MAP3K19: variants seen among roughly 807,000 people sequenced by gnomAD.
The protein encoded by MAP3K19 is SPS1/STE20-related protein kinase YSK4.
Under a neutral mutation model 114.4 loss-of-function variants are expected in MAP3K19, and 91 were observed. The observed-to-expected ratio is 0.80, with a 90% confidence interval of 0.67 to 0.95. The LOEUF (loss-of-function observed/expected upper bound fraction) is 0.95. Among genes scored for constraint, MAP3K19 ranks in the 40% least tolerant of loss-of-function variants. The pLI is 0.00. For missense variants in MAP3K19, 1,471 were observed against 1,573.2 expected, an observed-to-expected ratio of 0.94 and a Z score of 1.10; for synonymous variants, 518 against 530.5, an observed-to-expected ratio of 0.98 and a Z score of 0.32.
intron 1 of MAP3K19, among the ~76,000 whole-genome samples, chr2:135,044,120 C>T (rs1688695032): frequency 6.6e-6 from 1 of 152,138 alleles, no homozygotes; most frequent in Non-Finnish European, 1.5e-5. Flanking sequence ...TTATTGAATG[C>T]TTGCTACGTG....
In MAP3K19 at chr2:135,024,703, A is replaced by T; in HGVS notation, c.-56T>A. On this transcript the variant is annotated 5_prime_UTR_variant, in exon 4 of 13. Transcript: ENST00000392915. Reference sequence around the variant, plus strand: ...ACTCTCTATTTGTGACACATAATGTATTGCTGATTTTCCACTAAAATCACA... The same window carrying T: ...ACTCTCTATTTGTGACACATAATGTTTTGCTGATTTTCCACTAAAATCACA... 2.0e-6 allele frequency: 3 copies of T among 1,492,052 alleles called. No individual in the cohort carries two copies. Among genetic ancestry groups the T allele is most frequent in the Non-Finnish European group, 2.8e-6 (3 of 1,074,944 alleles). The allele number at this position is 1,492,052 out of a possible 1,614,324, so 92.4% of individuals were successfully genotyped here.
intron 11 of MAP3K19, chr2:134,983,335 G>C: frequency 1.8e-6 from 1 of 564,496 alleles, no homozygotes; most frequent in Admixed American, 1.9e-5. Context: ...CTTGAACCTG[G>C]GAGGATGAGA....
intron 9 of MAP3K19, among the ~76,000 whole-genome samples, chr2:134,990,656 T>C (rs1422723666): frequency 1.3e-5 from 2 of 151,992 alleles, no homozygotes; most frequent in East Asian, 3.9e-4. Context: ...TTTTGTATTT[T>C]AGTAGAGACG....
At chr2:135,042,551 A>G in intron 1 of MAP3K19, among the ~76,000 whole-genome samples, 1 of 152,070 alleles carries the variant, frequency 6.6e-6, no homozygotes, top group African/African-American at 2.4e-5. Flanking sequence ...AAAAAGAAAG[A>G]AGGCATTCGT....
At chr2:134,990,531 C>T (rs188082730) in intron 9 of MAP3K19, among the ~76,000 whole-genome samples, 335 of 151,598 alleles carry the variant, frequency 2.2e-3, no homozygotes, top group African/African-American at 6.8e-3. Context: ...GGCTGGAGTC[C>T]GGTGGCATGA....
chr2:134,986,181 T>C lies in MAP3K19; in HGVS notation c.2691A>G (p.Ser897=), dbSNP rs766041937. 2 of 1,613,776 alleles carry C rather than the reference T, an allele frequency of 1.2e-6. No homozygotes were observed. Among genetic ancestry groups the C allele is most frequent in the Non-Finnish European group, 1.7e-6 (2 of 1,179,940 alleles). ...LTNDLEFDSV[S]DHSKTLTNFS... Reference sequence around the variant, plus strand: ...AATTTGTAAGTGTTTTAGAGTGATCTGAAACACTATCAAACTCTAGATCAT... The same window carrying C: ...AATTTGTAAGTGTTTTAGAGTGATCCGAAACACTATCAAACTCTAGATCAT... The change falls in exon 10 of 13, where the codon TCA becomes TCG. Residue 897 remains serine (S), a synonymous_variant. Transcript: ENST00000392915.
chr2:134,983,572 C>T (rs1005144003), intron 11 of MAP3K19, 104 bp downstream of exon 11: 11 of 766,858 alleles, frequency 1.4e-5, no homozygotes, highest in African/African-American at 1.2e-4. Context: ...TAAAAGAGTG[C>T]TTGCCAGAGG....
chr2:134,989,236 A>G (rs1256346682), intron 9 of MAP3K19, among the ~76,000 whole-genome samples: 1 of 152,182 alleles, frequency 6.6e-6, no homozygotes, highest in Non-Finnish European at 1.5e-5. Context: ...TGCGGGCAGT[A>G]AGCTATAAAC....
chr2:135,006,008 C>G (rs1400923389), intron 5 of MAP3K19, among the ~76,000 whole-genome samples: 1 of 152,188 alleles, frequency 6.6e-6, no homozygotes, highest in African/African-American at 2.4e-5. Flanking sequence ...TGAAAGGAGG[C>G]AGCAAAGCTG....
rs199829558 is a variant in MAP3K19, at chr2:134,983,719, A to G, written c.3179T>C (p.Leu1060Pro). Residue 1060 changes from leucine to proline, a missense_variant, in exon 11 of 13, where the codon CTA becomes CCA. By Grantham distance (98) the Leu-to-Pro change is moderately conservative. Transcript: ENST00000392915. ...TCCAAGAATCTCACCCTTGGTCCATAGGATAGGTTCTTCAGACTTTAAACT... is the reference window on the plus strand; with the variant it reads ...TCCAAGAATCTCACCCTTGGTCCATGGGATAGGTTCTTCAGACTTTAAACT... ...ENSLKSEEPILWTKGEILGKG... is the reference protein window; with the variant it reads ...ENSLKSEEPIPWTKGEILGKG... 28 of 1,593,972 alleles carry G rather than the reference A, an allele frequency of 1.8e-5. No individual in the cohort carries two copies. In the East Asian group the frequency reaches 6.1e-4, roughly 35 times the overall value.
At chr2:135,037,660 G>A (rs1688561884) in intron 2 of MAP3K19, among the ~76,000 whole-genome samples, 1 of 152,106 alleles carries the variant, frequency 6.6e-6, no homozygotes, top group South Asian at 2.1e-4. Flanking sequence ...AACTTTTCAA[G>A]CTTATTTGTA....
chr2:134,970,760 G>T (rs1401220780), intron 12 of MAP3K19, among the ~76,000 whole-genome samples: 1 of 151,958 alleles, frequency 6.6e-6, no homozygotes, highest in Non-Finnish European at 1.5e-5. Context: ...ACCACACCTG[G>T]CTAATTTTTT....
intron 5 of MAP3K19, among the ~76,000 whole-genome samples, chr2:135,019,838 G>A (rs1170183816): frequency 6.6e-6 from 1 of 152,018 alleles, no homozygotes; most frequent in Non-Finnish European, 1.5e-5. Flanking sequence ...TACATCTTGG[G>A]TCTCATTCCA....
Position 134,987,918 on chromosome 2 carries a change from T to G in MAP3K19, c.954A>C (p.Lys318Asn). 6.2e-7 allele frequency: 1 copy of G among 1,614,208 alleles called. No homozygotes were observed. Among genetic ancestry groups the G allele is most frequent in the Non-Finnish European group, 8.5e-7 (1 of 1,180,046 alleles). Residue 318 changes from lysine (K) to asparagine (N), a missense_variant, in exon 10 of 13, where the codon AAA becomes AAC. Transcript: ENST00000392915. ...WKSKEIEECN[K>N]IEITHFEKGQ... is the part of the protein sequence containing the mutation. ...CTTTTTCAAAGTGAGTGATTTCAAT[T>G]TTGTTACATTCTTCTATTTCCTTGG... is the stretch of plus-strand genomic sequence containing the variant.
chr2:134,983,216 A>G (rs373049311), intron 11 of MAP3K19: 6 of 533,718 alleles, frequency 1.1e-5, no homozygotes, highest in African/African-American at 9.6e-5. Context: ...TCTCTTATGC[A>G]GTTCACAAAA....
chr2:134,997,384 T>C (rs1369027449), intron 8 of MAP3K19, among the ~76,000 whole-genome samples: 2 of 152,190 alleles, frequency 1.3e-5, no homozygotes, highest in Non-Finnish European at 2.9e-5. Context: ...AGTTTCAGTT[T>C]TGCAAGAAGA....
intron 10 of MAP3K19, 27 bp from the exon 11 acceptor site, chr2:134,983,852 T>C (rs1684897818): frequency 6.5e-7 from 1 of 1,528,696 alleles, no homozygotes; most frequent in Non-Finnish European, 8.8e-7. Context: ...AAAGGAAAGA[T>C]GACCATTAAA....
intron 12 of MAP3K19, chr2:134,980,570 G>T (rs1684561228): frequency 6.6e-6 from 3 of 451,708 alleles, no homozygotes; most frequent in Non-Finnish European, 1.2e-5. Flanking sequence ...ATTTGGGCAA[G>T]TATTGACAGA....
intron 11 of MAP3K19, 92 bp downstream of exon 11, chr2:134,983,584 A>C: frequency 2.4e-6 from 2 of 827,256 alleles, no homozygotes; most frequent in Non-Finnish European, 3.6e-6. Flanking sequence ...TGCCAGAGGA[A>C]GCAGGGAGGA....
Sources: gnomAD v4.1 joint callset for allele counts (sites outside exome capture counted in the v4.1 genomes callset) on GRCh38, gnomAD v4.1.1 for gene constraint, MANE v1.5 for transcripts, NCBI Gene and HGNC (gene_info 2026-07-23, HGNC 2026-07-21) for gene names.